CDH8: variants seen among roughly 807,000 people sequenced by gnomAD.
CDH8 encodes cadherin-8.
A neutral mutation model predicts 68.1 loss-of-function variants in CDH8; 17 were observed. That is an observed-to-expected ratio of 0.25 (90% confidence interval 0.17 to 0.37). The LOEUF (loss-of-function observed/expected upper bound fraction) is 0.37. CDH8 is among the 10% of genes least tolerant of loss of function. The pLI is 1.00. For missense variants in CDH8, 763 were observed against 999.3 expected (o/e 0.76, Z 3.19); for synonymous variants, 372 against 365.1 (o/e 1.02, Z -0.21).
intron 3 of CDH8, among the ~76,000 whole-genome samples, chr16:61,887,580 C>T (rs1811731175): frequency 6.6e-6 from 1 of 152,046 alleles, no homozygotes; most frequent in Admixed American, 6.6e-5. Flanking sequence ...GTCCGGATTT[C>T]CTCTTCATGT....
chr16:61,664,467 G>A (rs909670731), intron 10 of CDH8, among the ~76,000 whole-genome samples: 11 of 151,752 alleles, frequency 7.2e-5, no homozygotes, highest in African/African-American at 2.7e-4. Flanking sequence ...ATATTTTGTG[G>A]GCTTAAATTT....
chr16:61,882,127 G>A (rs909805794), intron 3 of CDH8, among the ~76,000 whole-genome samples: 3 of 152,146 alleles, frequency 2.0e-5, no homozygotes, highest in African/African-American at 7.2e-5. Flanking sequence ...TGTCTCTGAG[G>A]CTGTAGAAGA....
At chr16:61,947,088 A>G (rs182080562) in intron 2 of CDH8, among the ~76,000 whole-genome samples, 18 of 152,322 alleles carry the variant, frequency 1.2e-4, no homozygotes, top group Admixed American at 1.2e-3. Flanking sequence ...CCTAAGCCCA[A>G]GAATTTCAAG....
At chr16:61,872,692 T>A (rs892400528) in intron 3 of CDH8, among the ~76,000 whole-genome samples, 1 of 152,160 alleles carries the variant, frequency 6.6e-6, no homozygotes, top group African/African-American at 2.4e-5. Flanking sequence ...CCCATTCCCA[T>A]CACAGCCTAA....
chr16:61,915,567 A>G (rs1391605872), intron 2 of CDH8, among the ~76,000 whole-genome samples: 1 of 152,234 alleles, frequency 6.6e-6, no homozygotes, highest in African/African-American at 2.4e-5. Flanking sequence ...GATAAAAGTC[A>G]GCACCTGAAA....
intron 2 of CDH8, among the ~76,000 whole-genome samples, chr16:61,938,776 G>A (rs1964666242): frequency 6.6e-6 from 1 of 152,160 alleles, no homozygotes; most frequent in Non-Finnish European, 1.5e-5. Context: ...CATGCAGTAG[G>A]CTGCCTGGGT....
chr16:61,934,359 GGGTAAGTTGTAAT>G (rs1964594354), intron 2 of CDH8: 1 of 152,124 alleles, frequency 6.6e-6, no homozygotes, highest in Non-Finnish European at 1.5e-5. Context: ...GAGAGGCCTT[GGGTAAGTTGTAAT>G]TCTATGCTAG....
chr16:61,751,327 A>G (rs959238493), intron 8 of CDH8, among the ~76,000 whole-genome samples: 7 of 148,152 alleles, frequency 4.7e-5, no homozygotes, highest in African/African-American at 1.0e-4. Context: ...ATTTTCCTCT[A>G]CAAGGAAAAC....
chr16:61,753,038 A>T (rs1353284404), intron 8 of CDH8, among the ~76,000 whole-genome samples: 2 of 152,174 alleles, frequency 1.3e-5, no homozygotes, highest in Non-Finnish European at 2.9e-5. Context: ...CATATGATGG[A>T]CAAAATTCCA....
At chr16:61,780,885 C>G (rs1961033099) in intron 8 of CDH8, among the ~76,000 whole-genome samples, 1 of 152,084 alleles carries the variant, frequency 6.6e-6, no homozygotes. Flanking sequence ...AAATTTATGC[C>G]ACCCCAGCTA....
chr16:61,775,525 C>G (rs1389320397), intron 8 of CDH8, among the ~76,000 whole-genome samples: 1 of 152,110 alleles, frequency 6.6e-6, no homozygotes, highest in Non-Finnish European at 1.5e-5. Flanking sequence ...TCTACCCACT[C>G]TTGATCATGT....
chr16:61,759,812 T>G (rs1295777116), intron 8 of CDH8, among the ~76,000 whole-genome samples: 7 of 152,196 alleles, frequency 4.6e-5, no homozygotes, highest in African/African-American at 1.7e-4. Context: ...AATTATTTAA[T>G]ACTCCTCTCA....
chr16:61,720,645 A>AT (rs891677181), intron 9 of CDH8, among the ~76,000 whole-genome samples: 8 of 150,676 alleles, frequency 5.3e-5, no homozygotes, highest in African/African-American at 9.7e-5. Context: ...ATTCCAGCTA[A>AT]TTTTTTTTAA....
At chr16:61,948,219 C>T (rs1964830464) in intron 2 of CDH8, among the ~76,000 whole-genome samples, 1 of 152,150 alleles carries the variant, frequency 6.6e-6, no homozygotes, top group South Asian at 2.1e-4. Flanking sequence ...TAACTTAAAA[C>T]TGCCTATAAG....
At chr16:61,862,411 G>A (rs748101733) in intron 3 of CDH8, among the ~76,000 whole-genome samples, 5 of 152,152 alleles carry the variant, frequency 3.3e-5, no homozygotes, top group Non-Finnish European at 7.3e-5. Flanking sequence ...TCCATGCCAA[G>A]ATGAACTACT....
At chr16:61,840,180 T>A (rs933230825) in intron 4 of CDH8, among the ~76,000 whole-genome samples, 1 of 152,138 alleles carries the variant, frequency 6.6e-6, no homozygotes, top group Non-Finnish European at 1.5e-5. Flanking sequence ...AAGCTTAGAA[T>A]CCCAACAGCT....
intron 10 of CDH8, among the ~76,000 whole-genome samples, chr16:61,678,707 A>G (rs1963960454): frequency 6.6e-6 from 1 of 152,044 alleles, no homozygotes. Flanking sequence ...CAAAAATAGC[A>G]TGATACTGGC....
At chr16:61,691,008 T>C (rs1028196319) in intron 10 of CDH8, among the ~76,000 whole-genome samples, 1 of 152,062 alleles carries the variant, frequency 6.6e-6, no homozygotes, top group Non-Finnish European at 1.5e-5. Flanking sequence ...AGTCTACTAG[T>C]ACCAACCAAT....
At chr16:61,952,035 A>T (rs1567541832) in intron 2 of CDH8, among the ~76,000 whole-genome samples, 1 of 152,182 alleles carries the variant, frequency 6.6e-6, no homozygotes, top group Non-Finnish European at 1.5e-5. Flanking sequence ...GACAGTGGCC[A>T]TGTCTTCTAC....
Sources: gnomAD v4.1 joint callset for allele counts (sites outside exome capture counted in the v4.1 genomes callset) on GRCh38, gnomAD v4.1.1 for gene constraint, MANE v1.5 for transcripts, NCBI Gene and HGNC (gene_info 2026-07-23, HGNC 2026-07-21) for gene names.